The following RFX3 variants were observed in gnomAD, a reference collection of about 807,000 sequenced individuals.
RFX3 encodes the protein regulatory factor X3, also known as transcription factor RFX3.
A neutral mutation model predicts 98.6 loss-of-function variants in RFX3; 14 were observed. The ratio of observed to expected loss-of-function variants is 0.14; its 90% CI spans 0.09 to 0.22. The LOEUF (loss-of-function observed/expected upper bound fraction) is 0.22. Among genes scored for constraint, RFX3 ranks in the 10% least tolerant of loss-of-function variants. The pLI is 1.00. For synonymous variants in RFX3, 383 were observed against 328.4 expected (o/e 1.17, Z -1.80); for missense variants, 639 against 926.9 (o/e 0.69, Z 4.03).
intron 1 of RFX3, among the ~76,000 whole-genome samples, chr9:3,477,689 T>C (rs547109273): frequency 1.3e-5 from 2 of 152,262 alleles, no homozygotes; most frequent in African/African-American, 4.8e-5. Context: ...TAGCACAGAG[T>C]AATATTTTTC....
intron 1 of RFX3, among the ~76,000 whole-genome samples, chr9:3,493,344 T>C (rs1850858400): frequency 6.6e-6 from 1 of 152,068 alleles, no homozygotes; most frequent in Non-Finnish European, 1.5e-5. Context: ...GCCAGATTAA[T>C]CTCCCTAAAG....
intron 7 of RFX3, among the ~76,000 whole-genome samples, chr9:3,282,124 T>C (rs1825993190): frequency 6.6e-6 from 1 of 151,754 alleles, no homozygotes; most frequent in African/African-American, 2.4e-5. Flanking sequence ...TCTACTGGAA[T>C]CTTGTAATCT....
chr9:3,239,695 A>C (rs1338471648), intron 15 of RFX3, among the ~76,000 whole-genome samples: 2 of 152,260 alleles, frequency 1.3e-5, no homozygotes, highest in African/African-American at 2.4e-5. Flanking sequence ...ACCACCATTA[A>C]GGCCAAAGCA....
At chr9:3,230,577 G>C (rs1435136580) in intron 15 of RFX3, among the ~76,000 whole-genome samples, 1 of 152,098 alleles carries the variant, frequency 6.6e-6, no homozygotes, top group East Asian at 1.9e-4. Context: ...AACCCAGAGG[G>C]ATTCTTCATC....
intron 1 of RFX3, among the ~76,000 whole-genome samples, chr9:3,512,268 T>G (rs1348142887): frequency 6.6e-6 from 1 of 152,050 alleles, no homozygotes; most frequent in Non-Finnish European, 1.5e-5. Context: ...TATTTCAATA[T>G]GCAAATATTT....
At chr9:3,229,581 G>C (rs1034303812) in intron 15 of RFX3, among the ~76,000 whole-genome samples, 1 of 152,076 alleles carries the variant, frequency 6.6e-6, no homozygotes, top group African/African-American at 2.4e-5. Flanking sequence ...TTTCCAATGA[G>C]AAAACACATT....
intron 1 of RFX3, among the ~76,000 whole-genome samples, chr9:3,420,509 T>C (rs1843352757): frequency 6.6e-6 from 1 of 152,210 alleles, no homozygotes; most frequent in African/African-American, 2.4e-5. Context: ...ATATTTTTTA[T>C]TAATAACTGT....
At chr9:3,449,446 C>T (rs1275478064) in intron 1 of RFX3, among the ~76,000 whole-genome samples, 1 of 152,190 alleles carries the variant, frequency 6.6e-6, no homozygotes, top group African/African-American at 2.4e-5. Context: ...TTTTTACCTG[C>T]CTGGTTCTTT....
chr9:3,495,381 A>C (rs1448328740), intron 1 of RFX3, among the ~76,000 whole-genome samples: 1 of 152,060 alleles, frequency 6.6e-6, no homozygotes, highest in Non-Finnish European at 1.5e-5. Context: ...TGCACCACAC[A>C]AAATACATCA....
chr9:3,396,096 A>T (rs945723129), intron 1 of RFX3, among the ~76,000 whole-genome samples: 7 of 151,552 alleles, frequency 4.6e-5, no homozygotes, highest in Non-Finnish European at 8.8e-5. Context: ...TGTGCAGGTT[A>T]GTTACATATG....
intron 1 of RFX3, among the ~76,000 whole-genome samples, chr9:3,495,198 A>T (rs2133566754): frequency 6.6e-6 from 1 of 152,100 alleles, no homozygotes; most frequent in East Asian, 1.9e-4. Flanking sequence ...CCATAAAGCA[A>T]GAACTTCTCC....
At chr9:3,256,881 TAA>T (rs1822216273) in intron 14 of RFX3, 108 bp downstream of exon 14, 4 of 1,015,858 alleles carry the variant, frequency 3.9e-6, no homozygotes, top group Admixed American at 4.1e-5. Flanking sequence ...TTCCACAAAC[TAA>T]AGTCTTTATT....
chr9:3,312,436 C>A (rs968972633), intron 4 of RFX3, among the ~76,000 whole-genome samples: 1 of 152,120 alleles, frequency 6.6e-6, no homozygotes, highest in Non-Finnish European at 1.5e-5. Flanking sequence ...GAAACACCAT[C>A]AATCAAGCTA....
intron 1 of RFX3, among the ~76,000 whole-genome samples, chr9:3,406,133 G>A (rs537346627): frequency 1.3e-5 from 2 of 151,514 alleles, no homozygotes; most frequent in South Asian, 4.2e-4. Flanking sequence ...CTAATTTTTT[G>A]GATTTTTTTT....
At chr9:3,510,171 A>G (rs906642035) in intron 1 of RFX3, among the ~76,000 whole-genome samples, 1 of 151,980 alleles carries the variant, frequency 6.6e-6, no homozygotes, top group Non-Finnish European at 1.5e-5. Context: ...GGAAAGTGGA[A>G]TATGGCAGTA....
Position 3,353,326 on chromosome 9 carries a change from A to T in RFX3, c.118-6562T>A, listed in dbSNP as rs1039200071. On this transcript the variant is annotated intron_variant, in intron 2 of 16. Transcript: ENST00000617270. The stretch of plus-strand genomic sequence containing the variant: ...ACTAACCTGCACATTGTGCACATGT[A>T]CCCTAAAACTTAAAGTATAATAATA... Among the ~76,000 whole-genome samples, 15 of 152,180 alleles carry T rather than the reference A, an allele frequency of 9.9e-5. No homozygotes were observed. The Middle Eastern group carries it at 0.01, about 104-fold the overall frequency.
intron 3 of RFX3, among the ~76,000 whole-genome samples, chr9:3,346,224 T>C (rs1205996832): frequency 6.6e-6 from 1 of 152,212 alleles, no homozygotes; most frequent in Non-Finnish European, 1.5e-5. Context: ...GACATTTTTA[T>C]GTGGAATATC....
intron 2 of RFX3, among the ~76,000 whole-genome samples, chr9:3,385,481 C>A (rs1051893808): frequency 1.3e-5 from 2 of 151,910 alleles, no homozygotes; most frequent in Non-Finnish European, 2.9e-5. Flanking sequence ...GAGGCTGAGA[C>A]GGGTAGATCA....
intron 1 of RFX3, among the ~76,000 whole-genome samples, chr9:3,434,520 C>T (rs1051607660): frequency 6.6e-6 from 1 of 152,114 alleles, no homozygotes; most frequent in Non-Finnish European, 1.5e-5. Flanking sequence ...CTATGTTCCT[C>T]CACAATGATC....
Sources: gnomAD v4.1 joint callset for allele counts (sites outside exome capture counted in the v4.1 genomes callset) on GRCh38, gnomAD v4.1.1 for gene constraint, MANE v1.5 for transcripts, NCBI Gene and HGNC (gene_info 2026-07-23, HGNC 2026-07-21) for gene names.